The following DNAJC13 variants were observed in gnomAD, a reference collection of about 807,000 sequenced individuals.
DNAJC13 encodes dnaJ homolog subfamily C member 13.
Under a neutral mutation model 290.5 loss-of-function variants are expected in DNAJC13, and 75 were observed. The ratio of observed to expected loss-of-function variants is 0.26; its 90% confidence interval spans 0.21 to 0.31. The LOEUF is 0.31. Among genes scored for constraint, DNAJC13 ranks in the 10% least tolerant of loss-of-function variants. The pLI, the probability that DNAJC13 is intolerant of heterozygous loss-of-function variation, is 1.00. For synonymous variants in DNAJC13, 862 were observed against 892.0 expected (o/e 0.97, Z 0.60); for missense variants, 2,260 against 2,674.5 (o/e 0.85, Z 3.42).
At chr3:132,535,717 A>G (rs976165460) in intron 55 of DNAJC13, among the ~76,000 whole-genome samples, 11 of 152,150 alleles carry the variant, frequency 7.2e-5, no homozygotes, top group African/African-American at 2.7e-4. Context: ...TAAATTTTCC[A>G]TCTTTTCTCA....
chr3:132,483,522 C>T lies in DNAJC13; in HGVS notation c.3127C>T (p.Leu1043Phe), dbSNP rs1934751052. ...SGQAVLNETD[L>F]ATLILNMLIT... is the part of the protein sequence containing the mutation. The stretch of plus-strand genomic sequence containing the variant: ...ACAGGCTGTCCTGAATGAAACTGAC[C>T]TTGCTACCCTTATATTGAACATGTT... The change falls in exon 28 of 56, where the codon CTT (leucine) becomes TTT (phenylalanine). Residue 1043 changes from leucine (L) to phenylalanine (F), a missense_variant. Transcript: ENST00000260818. 1 of 1,613,944 alleles carries T rather than the reference C, an allele frequency of 6.2e-7. No homozygotes were observed. Among genetic ancestry groups the T allele is most frequent in the African/African-American group, 1.3e-5 (1 of 74,912 alleles).
intron 16 of DNAJC13, among the ~76,000 whole-genome samples, chr3:132,462,861 A>G (rs1040340375): frequency 1.3e-5 from 2 of 152,236 alleles, no homozygotes; most frequent in Non-Finnish European, 2.9e-5. Context: ...GAGCTTGTAT[A>G]GAAATCTATT....
At chr3:132,445,110 T>C (rs72992323) in intron 2 of DNAJC13, among the ~76,000 whole-genome samples, 2,299 of 152,270 alleles carry the variant, frequency 0.015, 55 homozygotes, top group African/African-American at 0.052. Flanking sequence ...AATACTTTTA[T>C]TGTATTACCT....
chr3:132,512,359 A>T (rs973695120), intron 44 of DNAJC13, among the ~76,000 whole-genome samples: 1 of 152,158 alleles, frequency 6.6e-6, no homozygotes, highest in African/African-American at 2.4e-5. Context: ...ATATTCTCAG[A>T]CTCTTTAAGT....
In DNAJC13 at chr3:132,447,443, C is replaced by T; in HGVS notation, c.267C>T (p.His89=). 1 of 1,585,076 alleles carries T rather than the reference C, an allele frequency of 6.3e-7. No homozygotes were observed. Among genetic ancestry groups the T allele is most frequent in the Non-Finnish European group, 8.5e-7 (1 of 1,171,364 alleles). Residue 89 remains histidine, a synonymous_variant, in exon 4 of 56, where the codon CAC becomes CAT. Coordinates refer to ENST00000260818, the MANE Select transcript of DNAJC13 (RefSeq NM_015268.4). ...KSETLKFSTE[H]RTELLTEALR... is the part of the protein sequence containing the mutation. ...AAACTTTAAAATTTTCTACAGAGCA[C>T]AGAACAGAACTTCTTACAGAAGCAT...
chr3:132,474,587 A>G (rs1362722064), intron 21 of DNAJC13, among the ~76,000 whole-genome samples: 3 of 151,888 alleles, frequency 2.0e-5, no homozygotes, highest in African/African-American at 7.3e-5. Context: ...TAAACATTGA[A>G]GTTGAAATAT....
intron 43 of DNAJC13, among the ~76,000 whole-genome samples, chr3:132,508,003 A>G (rs1005006802): frequency 6.6e-6 from 1 of 152,244 alleles, no homozygotes; most frequent in African/African-American, 2.4e-5. Context: ...AAGGAAATTA[A>G]AAGTGCTCCT....
In DNAJC13 at chr3:132,490,795, TG is replaced by T. The variant is rs1404051886; in HGVS notation, c.3469-101del. 1.8e-5 allele frequency: 21 copies of T among 1,190,790 alleles called. No homozygotes were observed. In the African/African-American group the frequency reaches 3.1e-4, roughly 18 times the overall value. 73.8% of individuals were successfully genotyped at this position (1,190,790 alleles called of 1,614,324 possible). A position where few individuals can be genotyped will look rare whatever the true frequency, so the allele number is the denominator to read the frequency against. ...GCATAAAAGCAATTTGTTCCAATTG[TG>T]TTCTTTTCTTAAAGTGTTCTCTAAC... On this transcript the variant is annotated intron_variant, in intron 31 of 55. Transcript: ENST00000260818.
intron 44 of DNAJC13, among the ~76,000 whole-genome samples, chr3:132,512,269 G>A (rs992868529): frequency 1.3e-5 from 2 of 152,184 alleles, no homozygotes; most frequent in Non-Finnish European, 1.5e-5. Flanking sequence ...AGTATGGTTT[G>A]TGTGTCATTG....
chr3:132,526,336 A>G (rs969533415), intron 53 of DNAJC13, 55 bp downstream of exon 53: 8 of 1,601,080 alleles, frequency 5.0e-6, no homozygotes, highest in South Asian at 2.2e-5. Context: ...TACCAAGTAG[A>G]TTTTTACCTA....
chr3:132,529,550 G>A (rs1388475720), intron 54 of DNAJC13, among the ~76,000 whole-genome samples: 2 of 152,318 alleles, frequency 1.3e-5, no homozygotes, highest in Middle Eastern at 3.4e-3. Flanking sequence ...CACTTTGGGA[G>A]GCCGAGGCGG....
chr3:132,505,692 C>T (rs570133941), intron 42 of DNAJC13, among the ~76,000 whole-genome samples: 1 of 152,206 alleles, frequency 6.6e-6, no homozygotes, highest in Non-Finnish European at 1.5e-5. Flanking sequence ...TCACTTCAGC[C>T]TCTTTTCGCT....
chr3:132,454,688 G>A (rs1383913590), intron 9 of DNAJC13, among the ~76,000 whole-genome samples: 4 of 151,806 alleles, frequency 2.6e-5, no homozygotes, highest in African/African-American at 9.7e-5. Flanking sequence ...ATGACCAATA[G>A]CTGTTTCTTG....
chr3:132,472,494 A>C (rs944613788), intron 20 of DNAJC13: 2 of 883,288 alleles, frequency 2.3e-6, no homozygotes, highest in African/African-American at 3.6e-5. Flanking sequence ...ATAATTTAGC[A>C]GATCTAGGCT....
intron 55 of DNAJC13, among the ~76,000 whole-genome samples, chr3:132,534,964 G>A (rs183002683): frequency 6.6e-6 from 1 of 152,314 alleles, no homozygotes; most frequent in East Asian, 1.9e-4. Context: ...AATTTATAGT[G>A]TTGTGTTGAA....
rs1003127698 is a variant in DNAJC13, at chr3:132,511,149, A to G, written c.5198A>G (p.His1733Arg). The part of the protein sequence containing the change: ...QYLHTFMAIT[H>R]AAKVESEQHG... ...TTGCACACATTCATGGCCATCACAC[A>G]CGCGGCAAAAGTGGAGTCAGAGCAA... Residue 1733 changes from histidine (H) to arginine (R), a missense_variant, in exon 44 of 56, where the codon CAC (histidine) becomes CGC (arginine). By Grantham distance (29) the His-to-Arg change is conservative. Transcript: ENST00000260818. 1.2e-6 allele frequency: 2 copies of G among 1,613,880 alleles called. No individual in the cohort carries two copies. The highest frequency in any genetic ancestry group is 2.7e-5 in the African/African-American group (2 of 74,888).
At chr3:132,457,586 C>T in intron 13 of DNAJC13, 1 of 480,356 alleles carries the variant, frequency 2.1e-6, no homozygotes, top group Non-Finnish European at 3.7e-6. Flanking sequence ...TCTTTTCTTC[C>T]TCACTTTGTT....
chr3:132,430,604 A>T (rs1384412317), intron 1 of DNAJC13, among the ~76,000 whole-genome samples: 2 of 152,106 alleles, frequency 1.3e-5, no homozygotes, highest in African/African-American at 2.4e-5. Context: ...TTAAGTTTAG[A>T]CTAGGAATAC....
intron 1 of DNAJC13, among the ~76,000 whole-genome samples, chr3:132,423,317 T>C (rs1256125439): frequency 6.6e-6 from 1 of 152,206 alleles, no homozygotes; most frequent in African/African-American, 2.4e-5. Flanking sequence ...TTTTGCCAGC[T>C]CTAGTTGCCA....
Sources: gnomAD v4.1 joint callset for allele counts (sites outside exome capture counted in the v4.1 genomes callset) on GRCh38, gnomAD v4.1.1 for gene constraint, MANE v1.5 for transcripts, NCBI Gene and HGNC (gene_info 2026-07-23, HGNC 2026-07-21) for gene names.